PIGB: variants seen among roughly 807,000 people sequenced by gnomAD.
PIGB encodes phosphatidylinositol glycan anchor biosynthesis class B.
A neutral mutation model predicts 68.4 loss-of-function variants in PIGB; 58 were observed. That is an observed-to-expected ratio of 0.85 (90% CI 0.69 to 1.06). The LOEUF is 1.06. Ranked by LOEUF, PIGB falls within the 50% of genes least tolerant of loss-of-function variation. The pLI is 0.00. For missense variants in PIGB, 634 were observed against 655.8 expected (o/e 0.97, Z 0.36); for synonymous variants, 219 against 220.5 (o/e 0.99, Z 0.06).
Position 55,350,796 on chromosome 15 carries a change from T to C in PIGB, c.1221T>C (p.His407=). The change falls in exon 10 of 12, where the codon CAT becomes CAC. Residue 407 remains histidine, a synonymous_variant. Coordinates refer to ENST00000164305, the MANE Select transcript of PIGB (RefSeq NM_004855.5). ...LFLALYTGLV[H]QRGTLDVMSH... is the part of the protein sequence containing the mutation. ...TCGCCCTTTATACTGGTTTAGTTCA[T>C]CAACGAGGTACTCTTGATGTCATGA... 6.2e-7 allele frequency: 1 copy of C among 1,612,318 alleles called. No homozygotes were observed.
chr15:55,355,119 A>G (rs2056046099), intron 11 of PIGB, 141 bp downstream of exon 11: 1 of 904,634 alleles, frequency 1.1e-6, no homozygotes, highest in African/African-American at 1.7e-5. Context: ...TCCAGTCAAA[A>G]TTAGCCCCAG....
chr15:55,345,588 G>A (rs2055774709), intron 9 of PIGB, among the ~76,000 whole-genome samples: 2 of 152,104 alleles, frequency 1.3e-5, no homozygotes, highest in Admixed American at 6.5e-5. Context: ...GTGAAACCCT[G>A]TCTCTACTAA....
chr15:55,347,878 A>AG, intron 9 of PIGB, among the ~76,000 whole-genome samples: 1 of 151,748 alleles, frequency 6.6e-6, no homozygotes, highest in Non-Finnish European at 1.5e-5. Flanking sequence ...CAAGCATGTT[A>AG]TCTTCCAGCA....
chr15:55,327,663 A>G (rs1328157222), intron 4 of PIGB, 28 bp downstream of exon 4: 13 of 1,329,084 alleles, frequency 9.8e-6, no homozygotes, highest in Non-Finnish European at 1.3e-5. Context: ...TAGAAGCTGT[A>G]TGCCAGTTAT....
intron 9 of PIGB, among the ~76,000 whole-genome samples, chr15:55,342,842 T>C (rs2055702849): frequency 6.6e-6 from 1 of 152,172 alleles, no homozygotes; most frequent in Non-Finnish European, 1.5e-5. Flanking sequence ...CATTGGTTGG[T>C]TTGGAAAAAT....
At chr15:55,335,701 A>G (rs775470429) in intron 6 of PIGB, among the ~76,000 whole-genome samples, 13 of 152,124 alleles carry the variant, frequency 8.5e-5, no homozygotes, top group African/African-American at 1.9e-4. Context: ...AAAGGAGTTG[A>G]GAGAGTGAAC....
intron 3 of PIGB, among the ~76,000 whole-genome samples, chr15:55,324,424 G>T (rs1173977433): frequency 6.6e-6 from 1 of 152,172 alleles, no homozygotes; most frequent in Non-Finnish European, 1.5e-5. Flanking sequence ...ATGACTGGGA[G>T]TTCAGAACTC....
chr15:55,354,959 CCT>C lies in PIGB; in HGVS notation c.1500_1501del (p.Phe501GlnfsTer17). ...GCATCATTGCCTACTCACTTGATCACCTTCAGCATTTTGGAAGAGGTAAGTAA... is the reference window on the plus strand; with the variant it reads ...GCATCATTGCCTACTCACTTGATCACTCAGCATTTTGGAAGAGGTAAGTAA... On this transcript the variant is annotated frameshift_variant, in exon 11 of 12. Coordinates refer to ENST00000164305, the MANE Select transcript of PIGB (RefSeq NM_004855.5). LOFTEE classifies it high-confidence loss of function. 6.2e-7 allele frequency: 1 copy of C among 1,611,422 alleles called. No homozygotes were observed. The highest frequency in any genetic ancestry group is 8.5e-7 in the Non-Finnish European group (1 of 1,178,840).
chr15:55,330,371 G>C (rs1055311987), intron 5 of PIGB, among the ~76,000 whole-genome samples: 1 of 152,210 alleles, frequency 6.6e-6, no homozygotes, highest in African/African-American at 2.4e-5. Context: ...GCTTTCCTGC[G>C]TGCAGACTGG....
At chr15:55,327,435 C>A in intron 3 of PIGB, 96 bp from the exon 4 acceptor site, 1 of 747,084 alleles carries the variant, frequency 1.3e-6, no homozygotes, top group East Asian at 2.9e-5. Flanking sequence ...GAATGGCTTC[C>A]CATAGATAGT....
intron 10 of PIGB, among the ~76,000 whole-genome samples, chr15:55,353,637 C>G (rs901721877): frequency 6.6e-6 from 1 of 152,092 alleles, no homozygotes; most frequent in Non-Finnish European, 1.5e-5. Flanking sequence ...GACTCTTGCT[C>G]TGTCGCCCAG....
intron 2 of PIGB, among the ~76,000 whole-genome samples, 199 bp from the exon 3 acceptor site, chr15:55,321,074 A>C (rs952112411): frequency 2.6e-5 from 4 of 152,316 alleles, no homozygotes; most frequent in African/African-American, 9.6e-5. Flanking sequence ...TAAGACTGCC[A>C]CAAAATAAAA....
chr15:55,339,151 A>G, intron 6 of PIGB, 116 bp from the exon 7 acceptor site: 1 of 701,060 alleles, frequency 1.4e-6, no homozygotes, highest in Non-Finnish European at 2.5e-6. Flanking sequence ...CAGTTGGTGA[A>G]ACTGTAAAGC....
intron 3 of PIGB, among the ~76,000 whole-genome samples, chr15:55,323,148 T>C (rs2055204494): frequency 6.6e-6 from 1 of 152,226 alleles, no homozygotes; most frequent in Admixed American, 6.5e-5. Flanking sequence ...CAGTCATTCA[T>C]ACTCTCATAT....
Position 55,354,822 on chromosome 15 carries a change from G to T in PIGB, c.1362G>T (p.Met454Ile). ...GCCATGTTCACTGCCCACTTCCCATGAGATTTCTCCAGTGCCCGCCAGACC... is the reference window on the plus strand; with the variant it reads ...GCCATGTTCACTGCCCACTTCCCATTAGATTTCTCCAGTGCCCGCCAGACC... ...YYSHVHCPLP[M>I]RFLQCPPDLT... is the part of the protein sequence containing the mutation. Residue 454 changes from methionine (M) to isoleucine (I), a missense_variant, in exon 11 of 12, where the codon ATG (methionine) becomes ATT (isoleucine). Transcript: ENST00000164305. The T allele has an allele frequency of 6.2e-7, 1 of 1,611,374 alleles. No individual in the cohort carries two copies. The highest frequency in any genetic ancestry group is 8.5e-7 in the Non-Finnish European group (1 of 1,179,212).
At position 55,327,206 on chromosome 15, in the gene PIGB, A is replaced by G. The variant is rs551040796; in HGVS notation, c.418-325A>G. Among the ~76,000 whole-genome samples the G allele has an allele frequency of 1.2e-4, 14 of 120,888 alleles. No homozygotes were observed. In the East Asian group the frequency reaches 1.9e-3, roughly 16 times the overall value. 79.3% of individuals were successfully genotyped at this position (120,888 alleles called of 152,430 possible). Reference sequence around the variant, plus strand: ...ACAGAGAATGAGACTGGTAAATATCATATTTATATATAAATATATATATTT... The same window carrying G: ...ACAGAGAATGAGACTGGTAAATATCGTATTTATATATAAATATATATATTT... On this transcript the variant is annotated intron_variant, in intron 3 of 11. Transcript: ENST00000164305.
At position 55,320,472 on chromosome 15, in the gene PIGB, GTTTC is replaced by G. The variant is rs879032119; in HGVS notation, c.299+66_299+69del. ...GTATTCATCTTGGAAATTGTGCTCA[GTTTC>G]TTTTAGAGTAGTCCCCCTTGCTCCC... On this transcript the variant is annotated intron_variant, in intron 2 of 11. Coordinates refer to ENST00000164305, the MANE Select transcript of PIGB (RefSeq NM_004855.5). The G allele has an allele frequency of 1.6e-5, 25 of 1,524,194 alleles. No individual in the cohort carries two copies. In the South Asian group the frequency reaches 2.6e-4, roughly 16 times the overall value. The allele number at this position is 1,524,194 out of a possible 1,614,324, so 94.4% of individuals were successfully genotyped here.
intron 3 of PIGB, among the ~76,000 whole-genome samples, chr15:55,324,591 C>T (rs756239204): frequency 2.0e-5 from 3 of 152,104 alleles, no homozygotes; most frequent in South Asian, 2.1e-4. Context: ...TATTAATATC[C>T]GTCTTAAAAT....
chr15:55,343,899 C>T (rs1044305046), intron 9 of PIGB, among the ~76,000 whole-genome samples: 1 of 152,126 alleles, frequency 6.6e-6, no homozygotes, highest in Non-Finnish European at 1.5e-5. Context: ...CCAAGAGGTT[C>T]CAACAGTAGG....
Sources: allele counts gnomAD v4.1 joint callset (sites outside exome capture counted in the v4.1 genomes callset), GRCh38; gene constraint gnomAD v4.1.1; transcripts MANE v1.5; gene names NCBI Gene and HGNC (gene_info 2026-07-23, HGNC 2026-07-21).